SPNS3: variants seen among roughly 807,000 people sequenced by gnomAD.
SPNS3 encodes the protein SPNS lysolipid transporter 3, sphingosine-1-phosphate (putative), also known as protein spinster homolog 3.
A neutral mutation model predicts 54.4 loss-of-function variants in SPNS3; 51 were observed. The ratio of observed to expected loss-of-function variants is 0.94; its 90% CI spans 0.75 to 1.18. The LOEUF (loss-of-function observed/expected upper bound fraction) is 1.18, where lower values mean the gene tolerates loss of function less well. SPNS3 is among the 50% of genes most tolerant of loss of function. The pLI is 0.00. For synonymous variants in SPNS3, 309 were observed against 294.7 expected, an observed-to-expected ratio of 1.05 and a Z score of -0.50; for missense variants, 669 against 677.4, an observed-to-expected ratio of 0.99 and a Z score of 0.14.
At chr17:4,477,154 C>T (rs543251076) in intron 8 of SPNS3, among the ~76,000 whole-genome samples, 1 of 152,332 alleles carries the variant, frequency 6.6e-6, no homozygotes, top group East Asian at 1.9e-4. Flanking sequence ...CATGCACAGG[C>T]CATCACGGCG....
intron 7 of SPNS3, among the ~76,000 whole-genome samples, chr17:4,450,749 A>G (rs903976193): frequency 1.4e-5 from 2 of 145,736 alleles, no homozygotes; most frequent in African/African-American, 5.0e-5. Context: ...GGCATGTGCT[A>G]CCATGCCCAG....
intron 11 of SPNS3, among the ~76,000 whole-genome samples, chr17:4,487,563 G>A (rs1015235184): frequency 9.9e-5 from 15 of 152,252 alleles, no homozygotes; most frequent in African/African-American, 3.6e-4. Context: ...TGGCTGCTGT[G>A]TTGAGAACAG....
Position 4,445,017 on chromosome 17 carries a change from G to A in SPNS3, c.266-15G>A. 1 of 1,611,198 alleles carries A rather than the reference G, an allele frequency of 6.2e-7. No homozygotes were observed. Among genetic ancestry groups the A allele is most frequent in the Non-Finnish European group, 8.5e-7 (1 of 1,178,332 alleles). ...TCGTGGGGGGATCCAGGCTGCCCCTGTGTGTCTCCTTCAGTCTTCGTTAGC... is the reference window on the plus strand; with the variant it reads ...TCGTGGGGGGATCCAGGCTGCCCCTATGTGTCTCCTTCAGTCTTCGTTAGC... On this transcript the variant is annotated splice_polypyrimidine_tract_variant and intron_variant, in intron 2 of 11. Coordinates refer to ENST00000355530, the MANE Select transcript of SPNS3 (RefSeq NM_182538.5).
rs139484086 is a variant in SPNS3 at position 4,436,804 on chromosome 17, G to T, written c.199+2638G>T. ...GAGCCAGGGAGTCAGTTCAGAGGCT[G>T]CTGTAGTGGATCAGGCCAAAGCTGA... On this transcript the variant is annotated intron_variant, in intron 1 of 11. Transcript: ENST00000355530. Among the ~76,000 whole-genome samples, 710 of 152,356 alleles carry T rather than the reference G, an allele frequency of 4.7e-3. 4 individuals carry two copies. The highest frequency in any genetic ancestry group is 0.016 in the African/African-American group (668 of 41,586).
At chr17:4,463,396 C>CAAAAAAAAA (rs368770425) in intron 8 of SPNS3, among the ~76,000 whole-genome samples, 1 of 122,176 alleles carries the variant, frequency 8.2e-6, no homozygotes, top group African/African-American at 3.0e-5. Flanking sequence ...GACTCTGTCT[C>CAAAAAAAAA]AAAAAAAAAA....
At chr17:4,463,413 A>AAAAC (rs1265482266) in intron 8 of SPNS3, among the ~76,000 whole-genome samples, 44 of 145,078 alleles carry the variant, frequency 3.0e-4, no homozygotes, top group African/African-American at 8.1e-4. Flanking sequence ...AAAAAAAAAC[A>AAAAC]AAACAAAACA....
At chr17:4,459,021 C>A (rs1449143231) in intron 8 of SPNS3, among the ~76,000 whole-genome samples, 2 of 152,178 alleles carry the variant, frequency 1.3e-5, no homozygotes, top group Non-Finnish European at 2.9e-5. Flanking sequence ...TTCCTCCCCT[C>A]TCCCTCTCTT....
Position 4,486,601 on chromosome 17 carries a change from CCAGGCCCGGCT to C in SPNS3, c.1450+23_1450+33del. On this transcript the variant is annotated intron_variant, in intron 11 of 11. Coordinates refer to ENST00000355530, the MANE Select transcript of SPNS3 (RefSeq NM_182538.5). The surrounding 1 kb of genome is among the most constrained non-coding windows in gnomAD (Gnocchi z 5.5). ...TGTCACAGGTACCCTACCCATTGCA[CCAGGCCCGGCT>C]CAGGGCCGGCACCCTAGGGACAGAC... 2.5e-6 allele frequency: 4 copies of C among 1,597,226 alleles called. No homozygotes were observed. The highest frequency in any genetic ancestry group is 2.2e-5 in the South Asian group (2 of 89,894).
chr17:4,485,776 C>T (rs1221703083), intron 9 of SPNS3, among the ~76,000 whole-genome samples: 1 of 152,242 alleles, frequency 6.6e-6, no homozygotes, highest in Non-Finnish European at 1.5e-5. Context: ...TTGGTCTCTG[C>T]CCCAGGGGCC....
At chr17:4,476,711 C>G (rs1972011703) in intron 8 of SPNS3, among the ~76,000 whole-genome samples, 1 of 152,186 alleles carries the variant, frequency 6.6e-6, no homozygotes, top group Non-Finnish European at 1.5e-5. Flanking sequence ...CTGTGGGTGC[C>G]CGGCCCCATG....
Position 4,486,174 on chromosome 17 carries a change from C to A in SPNS3, c.1180-54C>A. On this transcript the variant is annotated intron_variant, in intron 9 of 11. Coordinates refer to ENST00000355530, the MANE Select transcript of SPNS3 (RefSeq NM_182538.5). This position sits in a 1 kb window ranked among gnomAD's most constrained non-coding sequence, Gnocchi z 5.5. Reference sequence around the variant, plus strand: ...CAGGTCCTTGGCAGGTGGGGAACAGCAGGCAAGGGTGCCCTCACTTGGGGT... The same window carrying A: ...CAGGTCCTTGGCAGGTGGGGAACAGAAGGCAAGGGTGCCCTCACTTGGGGT... 2 of 1,453,006 alleles carry A rather than the reference C, an allele frequency of 1.4e-6. No homozygotes were observed. The highest frequency in any genetic ancestry group is 9.1e-7 in the Non-Finnish European group (1 of 1,097,460). 90.0% of individuals were successfully genotyped at this position (1,453,006 alleles called of 1,614,324 possible).
chr17:4,484,380 G>T (rs964032574), intron 9 of SPNS3, among the ~76,000 whole-genome samples: 1 of 152,116 alleles, frequency 6.6e-6, no homozygotes, highest in Non-Finnish European at 1.5e-5. Context: ...GAGTATAGTG[G>T]TGCCACCTCG....
At chr17:4,472,100 C>T (rs982594068) in intron 8 of SPNS3, among the ~76,000 whole-genome samples, 1 of 152,180 alleles carries the variant, frequency 6.6e-6, no homozygotes, top group Non-Finnish European at 1.5e-5. Flanking sequence ...CTCAAGTGAT[C>T]CACCCGTCTC....
At chr17:4,435,141 G>A (rs1970680765) in intron 1 of SPNS3, among the ~76,000 whole-genome samples, 1 of 151,496 alleles carries the variant, frequency 6.6e-6, no homozygotes, top group Non-Finnish European at 1.5e-5. Context: ...AATATTTTAG[G>A]GCTGGGTGCG....
intron 8 of SPNS3, among the ~76,000 whole-genome samples, chr17:4,477,864 C>T (rs939832844): frequency 6.6e-6 from 1 of 151,946 alleles, no homozygotes; most frequent in African/African-American, 2.4e-5. Flanking sequence ...ACGGTAGGTG[C>T]CTTATCAGTG....
intron 8 of SPNS3, among the ~76,000 whole-genome samples, chr17:4,471,676 G>A (rs781424412): frequency 4.6e-5 from 7 of 151,860 alleles, no homozygotes; most frequent in Non-Finnish European, 1.0e-4. Context: ...ATGTTTCCCA[G>A]GCTGGTCTCA....
chr17:4,465,992 C>T (rs1357571462), intron 8 of SPNS3, among the ~76,000 whole-genome samples: 4 of 152,204 alleles, frequency 2.6e-5, no homozygotes, highest in Non-Finnish European at 5.9e-5. Flanking sequence ...AACCCGGACT[C>T]GAGTGCTCAC....
At chr17:4,471,120 C>T (rs1971842994) in intron 8 of SPNS3, among the ~76,000 whole-genome samples, 2 of 152,180 alleles carry the variant, frequency 1.3e-5, no homozygotes, top group South Asian at 4.1e-4. Flanking sequence ...GATAGGGTTT[C>T]TCTATGTTGG....
intron 9 of SPNS3, chr17:4,481,997 TC>T (rs1972167043): frequency 6.6e-6 from 1 of 152,258 alleles, no homozygotes; most frequent in South Asian, 2.1e-4. Flanking sequence ...CAAGCGATTC[TC>T]CTGCCTCAGC....
Sources: gnomAD v4.1 joint callset for allele counts (sites outside exome capture counted in the v4.1 genomes callset) on GRCh38, gnomAD v4.1.1 for gene constraint, Gnocchi (gnomAD v3.1) non-coding constraint, MANE v1.5 for transcripts, NCBI Gene and HGNC (gene_info 2026-07-23, HGNC 2026-07-21) for gene names.